The following ATE1 variants were observed in gnomAD, a reference collection of about 807,000 sequenced individuals.
ATE1 encodes the protein arginyltransferase 1.
Under a neutral mutation model 70.5 loss-of-function variants are expected in ATE1, and 36 were observed. The observed-to-expected ratio is 0.51, with a 90% CI of 0.39 to 0.67. ATE1 has a LOEUF of 0.67. Ranked by LOEUF, ATE1 falls within the 30% of genes least tolerant of loss-of-function variation. The probability of loss-of-function intolerance (pLI) is 0.00; values close to 1 mark genes in which losing one functional copy is unlikely to be tolerated. For missense variants in ATE1, 593 were observed against 629.5 expected, an observed-to-expected ratio of 0.94 and a Z score of 0.62; for synonymous variants, 232 against 219.3, an observed-to-expected ratio of 1.06 and a Z score of -0.51.
chr10:121,765,627 T>C (rs1014773918), intron 11 of ATE1, among the ~76,000 whole-genome samples: 10 of 152,046 alleles, frequency 6.6e-5, no homozygotes, highest in African/African-American at 2.2e-4. Flanking sequence ...GGACAGAAAA[T>C]TACTAACAAA....
chr10:121,885,950 G>A (rs1478693831), intron 7 of ATE1, among the ~76,000 whole-genome samples: 7 of 151,712 alleles, frequency 4.6e-5, no homozygotes, highest in Admixed American at 1.3e-4. Flanking sequence ...CAAAATGTTC[G>A]GATCTTACTA....
intron 5 of ATE1, among the ~76,000 whole-genome samples, chr10:121,905,903 T>C (rs1407867832): frequency 6.6e-6 from 1 of 151,976 alleles, no homozygotes; most frequent in Non-Finnish European, 1.5e-5. Context: ...ATCTCCCAGG[T>C]CAATAAATTG....
At chr10:121,799,165 G>C (rs1946775492) in intron 10 of ATE1, among the ~76,000 whole-genome samples, 1 of 152,162 alleles carries the variant, frequency 6.6e-6, no homozygotes, top group South Asian at 2.1e-4. Context: ...AGCCTTGTGA[G>C]GTGCTCATTC....
intron 8 of ATE1, among the ~76,000 whole-genome samples, chr10:121,860,881 T>C (rs1201023326): frequency 6.6e-6 from 1 of 152,192 alleles, no homozygotes; most frequent in African/African-American, 2.4e-5. Context: ...GTAACTATGC[T>C]TATGTGAGCC....
Position 121,745,684 on chromosome 10 carries a change from A to G in ATE1, c.1379-1826T>C, listed in dbSNP as rs569938326. 7.0e-3 allele frequency among the ~76,000 whole-genome samples: 1,068 copies of G among 152,244 alleles called. 10 individuals are homozygous for G. Among genetic ancestry groups the G allele is most frequent in the African/African-American group, 0.024 (977 of 41,554 alleles). The stretch of plus-strand genomic sequence containing the variant: ...GGAGTTTGCAGTGAGCCGAGATGGC[A>G]TCACTGCACTCCAGCCTGGGCGACA... On this transcript the variant is annotated intron_variant, in intron 11 of 11. Coordinates refer to ENST00000224652, the MANE Select transcript of ATE1 (RefSeq NM_001001976.3).
At chr10:121,821,003 G>A (rs577628320) in intron 10 of ATE1, among the ~76,000 whole-genome samples, 4 of 152,106 alleles carry the variant, frequency 2.6e-5, no homozygotes, top group Non-Finnish European at 5.9e-5. Flanking sequence ...GCGCAGTGGC[G>A]CAATCTCGGC....
At chr10:121,791,062 G>GTATATA (rs1564840807) in intron 10 of ATE1, among the ~76,000 whole-genome samples, 1 of 18,508 alleles carries the variant, frequency 5.4e-5, no homozygotes, top group Non-Finnish European at 1.6e-4. Flanking sequence ...ATACGTGTGT[G>GTATATA]TGTGTGTGTG....
At chr10:121,881,985 G>A (rs7901899) in intron 7 of ATE1, among the ~76,000 whole-genome samples, 1 of 151,842 alleles carries the variant, frequency 6.6e-6, no homozygotes, top group Admixed American at 6.6e-5. Context: ...TAGTAGAGAT[G>A]GGGTTTTGCC....
chr10:121,777,545 A>G (rs1396419977), intron 11 of ATE1, among the ~76,000 whole-genome samples: 2 of 152,184 alleles, frequency 1.3e-5, no homozygotes, highest in African/African-American at 2.4e-5. Flanking sequence ...AGAGATGCCA[A>G]CTTCATGGAG....
intron 6 of ATE1, among the ~76,000 whole-genome samples, chr10:121,900,510 T>C (rs959976211): frequency 4.6e-5 from 7 of 152,232 alleles, no homozygotes; most frequent in Non-Finnish European, 1.0e-4. Flanking sequence ...ATTTCCTTTG[T>C]TCAAATCTTA....
intron 8 of ATE1, among the ~76,000 whole-genome samples, chr10:121,854,746 C>A (rs1011872067): frequency 1.1e-4 from 17 of 152,124 alleles, no homozygotes; most frequent in African/African-American, 4.1e-4. Flanking sequence ...AACACAGAAA[C>A]ACCCTAAAAA....
At chr10:121,841,747 G>A (rs1451576288) in intron 8 of ATE1, among the ~76,000 whole-genome samples, 2 of 152,016 alleles carry the variant, frequency 1.3e-5, no homozygotes, top group African/African-American at 2.4e-5. Flanking sequence ...ATGACACAAT[G>A]GACTTTGGGG....
In ATE1 at chr10:121,911,024, T is replaced by C. The variant is rs1028070669; in HGVS notation, c.465A>G (p.Gly155=). The change falls in exon 5 of 12, where the codon GGA becomes GGG. Residue 155 remains glycine, a synonymous_variant. Coordinates refer to ENST00000224652, the MANE Select transcript of ATE1 (RefSeq NM_001001976.3). ...DDIKESLESE[G]KNSKKEEPQE... ...GAGGTTCTTCTTTCTTTGAATTTTT[T>C]CCTTCACTCTCTAAACTCTCTTTGA... 1.2e-6 allele frequency: 2 copies of C among 1,614,092 alleles called. No individual in the cohort carries two copies. The highest frequency in any genetic ancestry group is 1.7e-6 in the Non-Finnish European group (2 of 1,180,034).
chr10:121,925,714 A>AG (rs1355825041), intron 1 of ATE1, among the ~76,000 whole-genome samples: 2 of 151,590 alleles, frequency 1.3e-5, no homozygotes, highest in African/African-American at 2.4e-5. Flanking sequence ...TTTTCACAAA[A>AG]AAAAAATAAT....
intron 5 of ATE1, among the ~76,000 whole-genome samples, chr10:121,908,771 TAA>T (rs530120965): frequency 1.1e-4 from 17 of 152,278 alleles, no homozygotes; most frequent in South Asian, 4.1e-4. Context: ...CAAATCTGAT[TAA>T]GACTTGCCCC....
intron 11 of ATE1, among the ~76,000 whole-genome samples, chr10:121,765,334 CTCTCA>C (rs968110473): frequency 1.5e-4 from 16 of 109,578 alleles, no homozygotes; most frequent in African/African-American, 5.1e-4. Flanking sequence ...GACTCTCAGA[CTCTCA>C]AAGAAAATAC....
intron 10 of ATE1, among the ~76,000 whole-genome samples, chr10:121,792,554 G>C (rs573739986): frequency 6.6e-6 from 1 of 152,146 alleles, no homozygotes; most frequent in African/African-American, 2.4e-5. Flanking sequence ...GTCTACAGAC[G>C]CATCTAATAA....
rs1387060346 is a variant in ATE1 at position 121,841,207 on chromosome 10, G to A, written c.1032C>T (p.Tyr344=). The change falls in exon 9 of 12, where the codon TAC becomes TAT. Residue 344 remains tyrosine (Y), a synonymous_variant. Transcript: ENST00000224652. The part of the protein sequence containing the change: ...DCGYGSFHQQ[Y]WLDGKIIAVG... Reference sequence around the variant, plus strand: ...CAGCAATGATCTTTCCGTCAAGCCAGTACTGCTGGTGAAAGGAGCCATAGC... The same window carrying A: ...CAGCAATGATCTTTCCGTCAAGCCAATACTGCTGGTGAAAGGAGCCATAGC... The A allele has an allele frequency of 3.2e-6, 5 of 1,578,708 alleles. No homozygotes were observed. Among genetic ancestry groups the A allele is most frequent in the African/African-American group, 1.3e-5 (1 of 74,262 alleles).
intron 8 of ATE1, among the ~76,000 whole-genome samples, chr10:121,857,193 G>C (rs1357953142): frequency 1.3e-5 from 2 of 152,028 alleles, no homozygotes; most frequent in African/African-American, 4.8e-5. Context: ...CTAAGGTTTG[G>C]GATACAAATG....
Sources: gnomAD v4.1 joint callset for allele counts (sites outside exome capture counted in the v4.1 genomes callset) on GRCh38, gnomAD v4.1.1 for gene constraint, MANE v1.5 for transcripts, NCBI Gene and HGNC (gene_info 2026-07-23, HGNC 2026-07-21) for gene names.